Variants in DMC1 observed in about 807,000 individuals in gnomAD.
The protein encoded by DMC1 is meiotic recombination protein DMC1 homolog.
Under a neutral mutation model 50.1 loss-of-function variants are expected in DMC1, and 27 were observed. The observed-to-expected ratio is 0.54, with a 90% CI of 0.40 to 0.74. The LOEUF (loss-of-function observed/expected upper bound fraction) is 0.74, where lower values mean the gene tolerates loss of function less well. Ranked by LOEUF, DMC1 falls within the 30% of genes least tolerant of loss-of-function variation. The probability of loss-of-function intolerance (pLI) is 0.00; values close to 1 mark genes in which losing one functional copy is unlikely to be tolerated. For missense variants in DMC1, 295 were observed against 420.2 expected (o/e 0.70, Z 2.60); for synonymous variants, 148 against 136.1 (o/e 1.09, Z -0.61).
At position 38,566,656 on chromosome 22, in the gene DMC1, T is replaced by A; in HGVS notation, c.177A>T (p.Leu59=). Residue 59 remains leucine, a synonymous_variant, in exon 4 of 14, where the codon CTA becomes CTT. Coordinates refer to ENST00000216024, the MANE Select transcript of DMC1 (RefSeq NM_007068.4). The part of the protein sequence containing the change: ...KGIQMTTRRA[L]CNVKGLSEAK... ...CTTCTGAGAGTCCTTTGACATTGCA[T>A]AGAGCTCTTCTTGTTGTCATCTGTA... 6.2e-7 allele frequency: 1 copy of A among 1,613,942 alleles called. No individual in the cohort carries two copies. The highest frequency in any genetic ancestry group is 1.1e-5 in the South Asian group (1 of 91,088).
chr22:38,563,937 T>C (rs1025234028), intron 4 of DMC1, among the ~76,000 whole-genome samples: 2 of 152,144 alleles, frequency 1.3e-5, no homozygotes, highest in Non-Finnish European at 2.9e-5. Flanking sequence ...CCTGACCTCA[T>C]GATCCGCCTG....
chr22:38,511,055 G>A, the DMC1 span, among the ~76,000 whole-genome samples: 1 of 152,094 alleles, frequency 6.6e-6, no homozygotes, highest in Non-Finnish European at 1.5e-5. Context: ...GGTCGCTTGA[G>A]CCCAGGCATT....
At chr22:38,538,840 G>A (rs1429950002) in intron 9 of DMC1, among the ~76,000 whole-genome samples, 1 of 152,096 alleles carries the variant, frequency 6.6e-6, no homozygotes, top group African/African-American at 2.4e-5. Context: ...TTCAAGACCA[G>A]CCTTGCCAAC....
At chr22:38,540,128 G>C (rs1054352233) in intron 8 of DMC1, among the ~76,000 whole-genome samples, 1 of 152,066 alleles carries the variant, frequency 6.6e-6, no homozygotes, top group Admixed American at 6.6e-5. Context: ...TCTTCTAAAG[G>C]AGTTGTTAGC....
chr22:38,553,149 T>C (rs1200876059), intron 6 of DMC1, among the ~76,000 whole-genome samples: 1 of 151,088 alleles, frequency 6.6e-6, no homozygotes, highest in African/African-American at 2.4e-5. Flanking sequence ...CGCCCGGCCT[T>C]ATTTGTTTAA....
the DMC1 span, among the ~76,000 whole-genome samples, chr22:38,510,576 A>T: frequency 6.6e-6 from 1 of 152,250 alleles, no homozygotes; most frequent in African/African-American, 2.4e-5. Flanking sequence ...AAGTGAGGCC[A>T]TCCCAGACCC....
intron 5 of DMC1, among the ~76,000 whole-genome samples, chr22:38,556,863 T>C (rs1421082802): frequency 6.6e-6 from 1 of 152,176 alleles, no homozygotes; most frequent in Non-Finnish European, 1.5e-5. Context: ...TGAAACAATG[T>C]TGGAAGTTAT....
At chr22:38,542,075 C>G (rs2090287268) in intron 8 of DMC1, among the ~76,000 whole-genome samples, 1 of 144,298 alleles carries the variant, frequency 6.9e-6, no homozygotes, top group Non-Finnish European at 1.5e-5. Context: ...ACATAAAAAC[C>G]ATACACAACA....
chr22:38,564,524 G>T (rs1287200707), intron 4 of DMC1, among the ~76,000 whole-genome samples: 1 of 152,014 alleles, frequency 6.6e-6, no homozygotes, highest in African/African-American at 2.4e-5. Flanking sequence ...TGGCCACTAT[G>T]TTGGTCTTGA....
chr22:38,521,538 T>TATACACACAC, intron 13 of DMC1, 70 bp downstream of exon 13: 1 of 641,696 alleles, frequency 1.6e-6, no homozygotes, highest in Non-Finnish European at 2.6e-6. Flanking sequence ...ACCCCGTCTC[T>TATACACACAC]ACACACACAC....
intron 12 of DMC1, among the ~76,000 whole-genome samples, chr22:38,533,816 A>G (rs527746940): frequency 1.3e-5 from 2 of 152,334 alleles, no homozygotes; most frequent in East Asian, 1.9e-4. Context: ...TTCTTTTACA[A>G]TGGAGACATC....
chr22:38,521,858 GTTCATAAACTAAGGAGTGAGGTGAGT>G, intron 12 of DMC1, 134 bp from the exon 13 acceptor site: 2 of 734,558 alleles, frequency 2.7e-6, no homozygotes, highest in Non-Finnish European at 4.9e-6. Context: ...GCAGAGGCTT[GTTCATAAACTAAGGAGTGAGGTGAGT>G]TTTGGAGCTG....
intron 12 of DMC1, among the ~76,000 whole-genome samples, chr22:38,535,073 G>A (rs1298445832): frequency 6.6e-6 from 1 of 152,058 alleles, no homozygotes; most frequent in Non-Finnish European, 1.5e-5. Context: ...GCCGGGGCAG[G>A]TGGATCGTGA....
chr22:38,535,483 C>T lies in DMC1; in HGVS notation c.836+2109G>A, dbSNP rs183611596. 1.8e-3 allele frequency among the ~76,000 whole-genome samples: 280 copies of T among 151,864 alleles called. 1 individual carries two copies. Among genetic ancestry groups the T allele is most frequent in the Non-Finnish European group, 1.4e-3 (97 of 67,944 alleles). On this transcript the variant is annotated intron_variant, in intron 12 of 13. Transcript: ENST00000216024. Reference sequence around the variant, plus strand: ...GTGGCAAATTTAACAACTGATGAACCTAGATAAATGAGTATGTCTTGCTCT... The same window carrying T: ...GTGGCAAATTTAACAACTGATGAACTTAGATAAATGAGTATGTCTTGCTCT...
intron 5 of DMC1, 33 bp from the exon 6 acceptor site, chr22:38,555,442 A>G (rs772853802): frequency 7.6e-7 from 1 of 1,316,044 alleles, no homozygotes; most frequent in South Asian, 1.2e-5. Context: ...AGTAACAGGA[A>G]TAGAAATAGA....
intron 8 of DMC1, among the ~76,000 whole-genome samples, chr22:38,540,289 G>A (rs1383191037): frequency 6.6e-6 from 1 of 152,062 alleles, no homozygotes; most frequent in Non-Finnish European, 1.5e-5. Context: ...CAAGTGATAT[G>A]CCTGCCTCGG....
chr22:38,566,486 A>T, intron 4 of DMC1, 104 bp downstream of exon 4: 1 of 1,264,034 alleles, frequency 7.9e-7, no homozygotes, highest in Non-Finnish European at 1.1e-6. Flanking sequence ...ACTGTGATCT[A>T]CAGGAACTCA....
intron 5 of DMC1, among the ~76,000 whole-genome samples, chr22:38,560,596 G>C (rs748694974): frequency 2.0e-5 from 3 of 152,052 alleles, no homozygotes; most frequent in Admixed American, 2.0e-4. Flanking sequence ...ATATTAATAG[G>C]TGGTAGTTTA....
chr22:38,567,639 G>T lies in DMC1; in HGVS notation c.52-12C>A. On this transcript the variant is annotated splice_polypyrimidine_tract_variant and intron_variant, in intron 2 of 13. Coordinates refer to ENST00000216024, the MANE Select transcript of DMC1 (RefSeq NM_007068.4). ...TGAAACAAAGATTCCTAAAGGAGAT[G>T]AAACAGAAAAAATGAAGTTTTGATT... 1 of 1,598,786 alleles carries T rather than the reference G, an allele frequency of 6.3e-7. No individual in the cohort carries two copies. Among genetic ancestry groups the T allele is most frequent in the Non-Finnish European group, 8.6e-7 (1 of 1,166,320 alleles).
Sources: gnomAD v4.1 joint callset for allele counts (sites outside exome capture counted in the v4.1 genomes callset) on GRCh38, gnomAD v4.1.1 for gene constraint, MANE v1.5 for transcripts, NCBI Gene and HGNC (gene_info 2026-07-23, HGNC 2026-07-21) for gene names.